Variants in SLC13A3 observed in about 807,000 individuals in gnomAD.
The protein encoded by SLC13A3 is Na(+)/dicarboxylate cotransporter 3.
In SLC13A3, 40 loss-of-function variants were observed where a neutral mutation model predicts 59.0. The observed-to-expected ratio is 0.68, with a 90% confidence interval of 0.53 to 0.88. The LOEUF is 0.88. Ranked by LOEUF, SLC13A3 falls within the 40% of genes least tolerant of loss-of-function variation. The pLI is 0.00. For synonymous variants in SLC13A3, 317 were observed against 330.3 expected (o/e 0.96, Z 0.44); for missense variants, 699 against 783.2 (o/e 0.89, Z 1.28).
rs1197143553 is a variant in SLC13A3 at position 46,563,537 on chromosome 20, T to C, written c.1509A>G (p.Arg503=). ...GAATCATCAGATACAGGGGGTGCAC[T>C]CTCAGGCGGATGGCCTGGGCCAGGA... ...PVLAELAIRL[R]VHPLYLMIPG... is the part of the protein sequence containing the mutation. The change falls in exon 12 of 13, where the codon AGA becomes AGG. Residue 503 remains arginine, a synonymous_variant. Transcript: ENST00000279027. 5 of 1,613,384 alleles carry C rather than the reference T, an allele frequency of 3.1e-6. No individual in the cohort carries two copies. Among genetic ancestry groups the C allele is most frequent in the Non-Finnish European group, 4.2e-6 (5 of 1,179,878 alleles).
chr20:46,575,443 A>AAACTGGCTG (rs2062065670), intron 10 of SLC13A3, 130 bp downstream of exon 10: 12 of 510,416 alleles, frequency 2.4e-5, no homozygotes, highest in Non-Finnish European at 3.8e-5. Context: ...TTGGCAAGTG[A>AAACTGGCTG]GGAAACTGGC....
At chr20:46,626,007 C>A (rs981740188) in intron 1 of SLC13A3, among the ~76,000 whole-genome samples, 1 of 151,954 alleles carries the variant, frequency 6.6e-6, no homozygotes, top group African/African-American at 2.4e-5. Flanking sequence ...TCCTGTGAGT[C>A]CTTTTGTGCG....
rs750021867 is a variant in SLC13A3 at position 46,651,431 on chromosome 20, C to A, written c.-10G>T. 6.8e-7 allele frequency: 1 copy of A among 1,475,274 alleles called. No individual in the cohort carries two copies. 91.4% of individuals were successfully genotyped at this position (1,475,274 alleles called of 1,614,324 possible). A position where few individuals can be genotyped will look rare whatever the true frequency, so the allele number is the denominator to read the frequency against. On this transcript the variant is annotated 5_prime_UTR_variant, in exon 1 of 13. Coordinates refer to ENST00000279027, the MANE Select transcript of SLC13A3 (RefSeq NM_022829.6). ...CTGCCAGCGCCGCCATCAGCGCGATCGCCTGGCGGTACGGGCCGGCCCGGG... is the reference window on the plus strand; with the variant it reads ...CTGCCAGCGCCGCCATCAGCGCGATAGCCTGGCGGTACGGGCCGGCCCGGG...
upstream of SLC13A3, among the ~76,000 whole-genome samples, chr20:46,670,441 C>T (rs553877647): frequency 2.6e-5 from 4 of 152,320 alleles, no homozygotes; most frequent in South Asian, 6.2e-4. Flanking sequence ...TGACTCTGGG[C>T]TTGGCCATGT....
At chr20:46,612,239 C>T (rs1272689963) in intron 2 of SLC13A3, among the ~76,000 whole-genome samples, 15 of 150,046 alleles carry the variant, frequency 1.0e-4, no homozygotes, top group East Asian at 3.9e-4. Flanking sequence ...TCAAGCGATC[C>T]GCCCACCTCA....
chr20:46,643,160 A>T (rs2062860657), intron 1 of SLC13A3, among the ~76,000 whole-genome samples: 1 of 151,622 alleles, frequency 6.6e-6, no homozygotes, highest in Non-Finnish European at 1.5e-5. Flanking sequence ...AAAAAAAAAT[A>T]TCCCTGCCCT....
chr20:46,609,031 CAG>C (rs1189486984), intron 3 of SLC13A3: 3 of 1,550,444 alleles, frequency 1.9e-6, no homozygotes, highest in South Asian at 2.4e-5. Flanking sequence ...AGCCTTTCCT[CAG>C]AGAGGAAAGT....
intron 3 of SLC13A3, among the ~76,000 whole-genome samples, chr20:46,604,302 C>T (rs2062413953): frequency 6.6e-6 from 1 of 152,144 alleles, no homozygotes; most frequent in Admixed American, 6.5e-5. Flanking sequence ...TTTTAACACC[C>T]CCTTCCTGAA....
chr20:46,584,024 CCT>C lies in SLC13A3; in HGVS notation c.1122-357_1122-356del, dbSNP rs113983165. The C allele has an allele frequency of 2.1e-3, 2,021 of 985,320 alleles. 33 individuals carry two copies. The African/African-American group carries it at 0.032, about 16-fold the overall frequency. The allele number at this position is 985,320 out of a possible 1,614,324, so 61.0% of individuals were successfully genotyped here. On this transcript the variant is annotated intron_variant, in intron 8 of 12. Transcript: ENST00000279027. Reference sequence around the variant, plus strand: ...CCCTCACCGGGACTCCTGTAAGAGCCCTGTCTTTGTTCAGCTTGTGCTTGAAT... The same window carrying C: ...CCCTCACCGGGACTCCTGTAAGAGCCGTCTTTGTTCAGCTTGTGCTTGAAT...
At chr20:46,590,101 A>C (rs1821160662) in intron 6 of SLC13A3, among the ~76,000 whole-genome samples, 1 of 152,238 alleles carries the variant, frequency 6.6e-6, no homozygotes, top group South Asian at 2.1e-4. Context: ...TTGTGTGTCC[A>C]TAAATGGTGT....
chr20:46,673,399 A>G (rs2063103843), upstream of SLC13A3, among the ~76,000 whole-genome samples: 1 of 152,204 alleles, frequency 6.6e-6, no homozygotes, highest in South Asian at 2.1e-4. Flanking sequence ...CTGGTCCTTC[A>G]ACCCTTCCCC....
chr20:46,615,659 G>A (rs891391344), intron 1 of SLC13A3, among the ~76,000 whole-genome samples: 3 of 152,178 alleles, frequency 2.0e-5, no homozygotes, highest in Non-Finnish European at 4.4e-5. Flanking sequence ...GGAAGGTGGG[G>A]TTGTCATTTA....
At chr20:46,585,750 AAAAT>A in intron 8 of SLC13A3, 1 of 1,295,194 alleles carries the variant, frequency 7.7e-7, no homozygotes, top group Non-Finnish European at 1.0e-6. Flanking sequence ...GCATCTGAAA[AAAAT>A]AAAGCATCTA....
At chr20:46,560,306 G>A (rs1046464787) in intron 12 of SLC13A3, 108 bp from the exon 13 acceptor site, 14 of 1,038,272 alleles carry the variant, frequency 1.3e-5, no homozygotes, top group Non-Finnish European at 1.7e-5. Context: ...CGCACAGCCA[G>A]GAAGTGATGG....
chr20:46,662,921 G>A (rs1393594368), intron 1 of SLC13A3, among the ~76,000 whole-genome samples: 1 of 152,192 alleles, frequency 6.6e-6, no homozygotes, highest in Non-Finnish European at 1.5e-5. Context: ...GTGAAGATAT[G>A]AATTTATAAG....
intron 3 of SLC13A3, among the ~76,000 whole-genome samples, chr20:46,604,768 T>C (rs1031007637): frequency 1.3e-5 from 2 of 152,064 alleles, no homozygotes; most frequent in Admixed American, 6.6e-5. Context: ...TGGGAACAGG[T>C]CCACAAGCCA....
rs139809334 is a variant in SLC13A3, at chr20:46,589,662, T to C, written c.921-407A>G. Among the ~76,000 whole-genome samples the C allele has an allele frequency of 6.0e-3, 917 of 152,306 alleles. 8 individuals carry two copies. The highest frequency in any genetic ancestry group is 0.011 in the Admixed American group (163 of 15,308). ...AAATGGTATCAGACATATAGATCAA[T>C]GGAACAGAGTTGAGAGCCCAGAAAT... On this transcript the variant is annotated intron_variant, in intron 6 of 12. Coordinates refer to ENST00000279027, the MANE Select transcript of SLC13A3 (RefSeq NM_022829.6).
upstream of SLC13A3, chr20:46,651,500 G>C: frequency 7.4e-7 from 1 of 1,350,096 alleles, no homozygotes; most frequent in Non-Finnish European, 9.4e-7. Context: ...CCTGGGGGAG[G>C]GTCGGGGAGG....
intron 10 of SLC13A3, among the ~76,000 whole-genome samples, chr20:46,573,108 C>A (rs1480231273): frequency 6.6e-6 from 1 of 152,168 alleles, no homozygotes; most frequent in Non-Finnish European, 1.5e-5. Context: ...TTCCTTTGTT[C>A]CCTTTGAAGT....
Sources: allele counts gnomAD v4.1 joint callset (sites outside exome capture counted in the v4.1 genomes callset), GRCh38; gene constraint gnomAD v4.1.1; transcripts MANE v1.5; gene names NCBI Gene and HGNC (gene_info 2026-07-23, HGNC 2026-07-21).